MPRIP: variants seen among roughly 807,000 people sequenced by gnomAD.
MPRIP encodes the protein myosin phosphatase Rho-interacting protein.
MPRIP carries 59 observed loss-of-function variants against 234.9 expected under a neutral mutation model. That is an observed-to-expected ratio of 0.25 (90% CI 0.20 to 0.31). The LOEUF is 0.31. MPRIP is among the 10% of genes least tolerant of loss of function. MPRIP has a pLI of 1.00. For synonymous variants in MPRIP, 1,144 were observed against 1,263.9 expected, an observed-to-expected ratio of 0.91 and a Z score of 2.01; for missense variants, 2,436 against 3,071.0, an observed-to-expected ratio of 0.79 and a Z score of 4.89.
intron 7 of MPRIP, chr17:17,142,188 T>G (rs2045341183): frequency 6.2e-6 from 1 of 160,450 alleles, no homozygotes; most frequent in African/African-American, 2.4e-5. Flanking sequence ...CCTTTTACTG[T>G]TGGCAGAAAC....
chr17:17,077,286 A>G (rs2089354514), intron 2 of MPRIP: 2 of 152,254 alleles, frequency 1.3e-5, no homozygotes, highest in African/African-American at 2.4e-5. Context: ...CTCCCCACAC[A>G]AAGGAAGACA....
rs1226597031 is a variant in MPRIP, at chr17:17,190,216, C to T, written c.*5322C>T. ...GATGTAAACTCAGTAGATTTTTCATCCAGTGAACGGTCATCTTCACATCGA... is the reference window on the plus strand; with the variant it reads ...GATGTAAACTCAGTAGATTTTTCATTCAGTGAACGGTCATCTTCACATCGA... On this transcript the variant is annotated 3_prime_UTR_variant, in exon 24 of 24. Coordinates refer to ENST00000651222, the MANE Select transcript of MPRIP (RefSeq NM_001364716.4). The T allele has an allele frequency of 6.6e-6, 1 of 152,258 alleles. No individual in the cohort carries two copies. Among genetic ancestry groups the T allele is most frequent in the African/African-American group, 2.4e-5 (1 of 41,458 alleles). The allele number at this position is 152,258 out of a possible 1,614,324, so 9.4% of individuals were successfully genotyped here. A position where few individuals can be genotyped will look rare whatever the true frequency, so the allele number is the denominator to read the frequency against.
chr17:17,079,251 C>T (rs2089406614), intron 3 of MPRIP, among the ~76,000 whole-genome samples: 1 of 152,170 alleles, frequency 6.6e-6, no homozygotes, highest in Non-Finnish European at 1.5e-5. Context: ...CTCACTGGTT[C>T]CTACTTAAAA....
intron 8 of MPRIP, among the ~76,000 whole-genome samples, chr17:17,143,094 C>T (rs183987936): frequency 1.5e-3 from 227 of 152,328 alleles, no homozygotes; most frequent in Middle Eastern, 0.014. Flanking sequence ...CTACACCCCT[C>T]GTTTCTCCAC....
chr17:17,153,353 G>A (rs1323332871), intron 12 of MPRIP, among the ~76,000 whole-genome samples: 2 of 152,126 alleles, frequency 1.3e-5, no homozygotes, highest in Non-Finnish European at 2.9e-5. Flanking sequence ...GAGTCTGCTT[G>A]TGAGCAGCTC....
At chr17:17,102,167 C>G (rs997768388) in intron 3 of MPRIP, among the ~76,000 whole-genome samples, 1 of 152,172 alleles carries the variant, frequency 6.6e-6, no homozygotes, top group African/African-American at 2.4e-5. Context: ...GAATTACAGG[C>G]ATGAGCCACC....
intron 20 of MPRIP, among the ~76,000 whole-genome samples, chr17:17,176,139 G>C (rs1044330051): frequency 6.6e-6 from 1 of 152,206 alleles, no homozygotes; most frequent in African/African-American, 2.4e-5. Flanking sequence ...CCTGATTCTC[G>C]CGGGCTTGGT....
At chr17:17,057,865 G>A (rs562231233) in intron 1 of MPRIP, 154 of 592,514 alleles carry the variant, frequency 2.6e-4, no homozygotes, top group Admixed American at 1.1e-4. Flanking sequence ...TTTTTTAATA[G>A]AATGCAATAT....
chr17:17,076,728 G>A lies in MPRIP; in HGVS notation c.201+941G>A, dbSNP rs2089337760. On this transcript the variant is annotated intron_variant, in intron 2 of 23. Transcript: ENST00000651222. Reference sequence around the variant, plus strand: ...CATGCCACCCAGACAGGAGAACTCAGGCATCACTGGTCCAGCTGGGCTGCA... The same window carrying A: ...CATGCCACCCAGACAGGAGAACTCAAGCATCACTGGTCCAGCTGGGCTGCA... 1.3e-5 allele frequency among the ~76,000 whole-genome samples: 2 copies of A among 152,138 alleles called. 1 individual carries two copies. The highest frequency in any genetic ancestry group is 4.1e-4 in the South Asian group (2 of 4,832).
At chr17:17,150,274 C>A in intron 12 of MPRIP, 41 bp downstream of exon 12, 1 of 1,469,782 alleles carries the variant, frequency 6.8e-7, no homozygotes, top group Non-Finnish European at 9.5e-7. Flanking sequence ...GCTTGACAGG[C>A]AGGGATGCAT....
At chr17:17,148,194 G>C (rs768169286) in intron 11 of MPRIP, among the ~76,000 whole-genome samples, 3 of 152,226 alleles carry the variant, frequency 2.0e-5, no homozygotes, top group Non-Finnish European at 4.4e-5. Context: ...AGTGTGGGCG[G>C]TGGGCCTCTG....
At chr17:17,137,295 C>T (rs1329891405) in intron 6 of MPRIP, among the ~76,000 whole-genome samples, 1 of 152,176 alleles carries the variant, frequency 6.6e-6, no homozygotes, top group Non-Finnish European at 1.5e-5. Flanking sequence ...AGGTGGAACA[C>T]CTGAGGTCAG....
chr17:17,115,314 G>C (rs2090262130), intron 3 of MPRIP, among the ~76,000 whole-genome samples: 2 of 152,264 alleles, frequency 1.3e-5, no homozygotes, highest in Non-Finnish European at 2.9e-5. Context: ...CATGGTTCCT[G>C]CTTCTTCTGT....
At chr17:17,156,267 G>A in intron 13 of MPRIP, among the ~76,000 whole-genome samples, 1 of 152,248 alleles carries the variant, frequency 6.6e-6, no homozygotes, top group East Asian at 1.9e-4. Context: ...CCTGCGTGCA[G>A]GGGCTATGGG....
intron 3 of MPRIP, among the ~76,000 whole-genome samples, chr17:17,087,826 T>TC (rs2089626418): frequency 6.6e-6 from 1 of 152,034 alleles, no homozygotes; most frequent in African/African-American, 2.4e-5. Flanking sequence ...CTCCCAAAAG[T>TC]CCCCCTTCTT....
chr17:17,064,309 C>G (rs930740774), intron 1 of MPRIP, among the ~76,000 whole-genome samples: 1 of 151,310 alleles, frequency 6.6e-6, no homozygotes, highest in Non-Finnish European at 1.5e-5. Flanking sequence ...TGAAGCGATT[C>G]TCCTGCCTCG....
rs2046470291 is a variant in MPRIP at position 17,186,102 on chromosome 17, TC to T, written c.*1211del. 1 of 153,206 alleles carries T rather than the reference TC, an allele frequency of 6.5e-6. No homozygotes were observed. The highest frequency in any genetic ancestry group is 2.1e-4 in the South Asian group (1 of 4,868). The allele number at this position is 153,206 out of a possible 1,614,324, so 9.5% of individuals were successfully genotyped here. On this transcript the variant is annotated 3_prime_UTR_variant, in exon 24 of 24. Transcript: ENST00000651222. ...ATTATGGCCCCATGAAAACCATTAA[TC>T]CCATTAAGATAGGGAGTATAAACCC...
intron 14 of MPRIP, among the ~76,000 whole-genome samples, chr17:17,160,616 G>T (rs1391371404): frequency 1.3e-5 from 2 of 152,232 alleles, no homozygotes; most frequent in Non-Finnish European, 2.9e-5. Context: ...GCTTACTCAT[G>T]GGTATCCACA....
At chr17:17,069,076 A>G (rs187093014) in intron 1 of MPRIP, among the ~76,000 whole-genome samples, 4 of 152,196 alleles carry the variant, frequency 2.6e-5, no homozygotes, top group African/African-American at 7.2e-5. Context: ...TTTTAGTTCT[A>G]TTAGTTTTAA....
Sources: allele counts gnomAD v4.1 joint callset (sites outside exome capture counted in the v4.1 genomes callset), GRCh38; gene constraint gnomAD v4.1.1; transcripts MANE v1.5; gene names NCBI Gene and HGNC (gene_info 2026-07-23, HGNC 2026-07-21).